The following CHLSN variants were observed in gnomAD, a reference collection of about 807,000 sequenced individuals.
CHLSN encodes cholesin, also known as protein cholesin.
chr7:1,016,420 C>A, the CHLSN span, among the ~76,000 whole-genome samples: 1 of 53,072 alleles, frequency 1.9e-5, no homozygotes, highest in East Asian at 4.3e-4. Flanking sequence ...CAGCAGCGCA[C>A]GCCAGCACAC....
the CHLSN span, chr7:997,930 G>C: frequency 4.8e-6 from 4 of 826,146 alleles, no homozygotes; most frequent in Admixed American, 3.0e-5. Context: ...TGCGGCCCGA[G>C]GGTGTGGGCG....
At chr7:1,095,450 GA>G in the CHLSN span, among the ~76,000 whole-genome samples, 1 of 152,140 alleles carries the variant, frequency 6.6e-6, no homozygotes, top group Non-Finnish European at 1.5e-5. Flanking sequence ...CCAAGTCCCA[GA>G]AAGCAGGCGG....
chr7:985,264 G>C, the CHLSN span: 132 of 1,551,794 alleles, frequency 8.5e-5, no homozygotes, highest in Admixed American at 1.8e-4. Context: ...CCCCGTGTTT[G>C]TGTCCCTGCT....
At chr7:1,097,033 C>T in the CHLSN span, among the ~76,000 whole-genome samples, 2 of 152,138 alleles carry the variant, frequency 1.3e-5, no homozygotes, top group Non-Finnish European at 2.9e-5. The surrounding 1 kb of genome is among the most constrained non-coding windows in gnomAD (Gnocchi z 4.3). Context: ...CCAGCAGAGG[C>T]GGGAGACAGG....
chr7:1,129,591 G>A, the CHLSN span, among the ~76,000 whole-genome samples: 3 of 152,160 alleles, frequency 2.0e-5, no homozygotes, highest in East Asian at 1.9e-4. Flanking sequence ...AACCACAGGC[G>A]CATGCCACCA....
At chr7:1,102,825 A>C in the CHLSN span, among the ~76,000 whole-genome samples, 2 of 152,254 alleles carry the variant, frequency 1.3e-5, no homozygotes, top group Non-Finnish European at 2.9e-5. Flanking sequence ...CGGCGTCAGC[A>C]ACATCAGACA....
the CHLSN span, chr7:997,761 C>T: frequency 1.2e-6 from 2 of 1,609,958 alleles, no homozygotes; most frequent in Non-Finnish European, 1.7e-6. Flanking sequence ...GCCCTGCAGC[C>T]CCTCCAGGTA....
the CHLSN span, among the ~76,000 whole-genome samples, chr7:1,040,184 A>T: frequency 3.3e-4 from 12 of 36,918 alleles, no homozygotes; most frequent in South Asian, 1.8e-3. Context: ...AAATAAATTT[A>T]AAAAAAAAAA....
chr7:993,595 T>C, the CHLSN span, among the ~76,000 whole-genome samples: 1 of 151,956 alleles, frequency 6.6e-6, no homozygotes, highest in Non-Finnish European at 1.5e-5. Context: ...GGCAACACAG[T>C]GAGGCCCCCC....
the CHLSN span, among the ~76,000 whole-genome samples, chr7:978,275 T>C: frequency 3.3e-5 from 5 of 152,164 alleles, no homozygotes; most frequent in Admixed American, 1.3e-4. Context: ...CCCAACACTC[T>C]GGGAAGCCGA....
the CHLSN span, among the ~76,000 whole-genome samples, chr7:1,070,202 A>C: frequency 1.7e-5 from 2 of 116,250 alleles, no homozygotes; most frequent in African/African-American, 3.2e-5. Flanking sequence ...CAGCCACCCC[A>C]TCTGGGAAGT....
At chr7:1,125,936 A>G in the CHLSN span, among the ~76,000 whole-genome samples, 1 of 152,254 alleles carries the variant, frequency 6.6e-6, no homozygotes, top group Admixed American at 6.5e-5. Context: ...AACACAGCTC[A>G]ATGCAGAAGA....
At chr7:1,115,188 T>G in the CHLSN span, among the ~76,000 whole-genome samples, 1 of 152,240 alleles carries the variant, frequency 6.6e-6, no homozygotes, top group South Asian at 2.1e-4. Flanking sequence ...TCTTTGCTGT[T>G]TTTTAGGAGT....
At chr7:1,105,004 G>C in the CHLSN span, among the ~76,000 whole-genome samples, 4 of 152,226 alleles carry the variant, frequency 2.6e-5, 1 homozygote, top group African/African-American at 9.7e-5. Context: ...AGGAAGTGGA[G>C]ATAATCGCAG....
the CHLSN span, chr7:1,010,048 C>A: frequency 6.2e-7 from 1 of 1,611,836 alleles, no homozygotes; most frequent in African/African-American, 1.3e-5. Context: ...TCTCCTCTTT[C>A]TTCCGTTCCT....
At chr7:1,098,271 A>T in the CHLSN span, among the ~76,000 whole-genome samples, 1 of 152,254 alleles carries the variant, frequency 6.6e-6, no homozygotes, top group Non-Finnish European at 1.5e-5. Flanking sequence ...CTCCACGCCC[A>T]TGGATCAACC....
At chr7:983,186 A>G in the CHLSN span, 1 of 1,460,530 alleles carries the variant, frequency 6.8e-7, no homozygotes. Context: ...CCAGGAGGGG[A>G]GTGGAGCCTC....
the CHLSN span, among the ~76,000 whole-genome samples, chr7:1,027,601 A>G: frequency 1.3e-5 from 2 of 152,264 alleles, no homozygotes; most frequent in African/African-American, 4.8e-5. Context: ...GTCCTCAGGA[A>G]GGCTCCCGAG....
chr7:1,015,357 G>A, the CHLSN span, among the ~76,000 whole-genome samples: 1 of 152,210 alleles, frequency 6.6e-6, no homozygotes, highest in Non-Finnish European at 1.5e-5. Flanking sequence ...TTGTCAACCT[G>A]AGGCTCAGGG....
Sources: allele counts gnomAD v4.1 joint callset (sites outside exome capture counted in the v4.1 genomes callset), GRCh38; gene constraint gnomAD v4.1.1; non-coding constraint Gnocchi (gnomAD v3.1); transcripts MANE v1.5; gene names NCBI Gene and HGNC (gene_info 2026-07-23, HGNC 2026-07-21).